TAF3: variants seen among roughly 807,000 people sequenced by gnomAD.
TAF3 encodes transcription initiation factor TFIID subunit 3.
In TAF3, 7 loss-of-function variants were observed where a neutral mutation model predicts 80.6. That is an observed-to-expected ratio of 0.09 (90% CI 0.05 to 0.16). TAF3 has a LOEUF of 0.16. Ranked by LOEUF, TAF3 falls within the 10% of genes least tolerant of loss-of-function variation. TAF3 has a pLI of 1.00. For missense variants in TAF3, 921 were observed against 1,140.2 expected, an observed-to-expected ratio of 0.81 and a Z score of 2.77; for synonymous variants, 444 against 446.1, an observed-to-expected ratio of 1.00 and a Z score of 0.06.
intron 2 of TAF3, among the ~76,000 whole-genome samples, chr10:7,946,973 G>A (rs1427020449): frequency 6.6e-6 from 1 of 152,092 alleles, no homozygotes; most frequent in African/African-American, 2.4e-5. Flanking sequence ...CACTGCCCAG[G>A]CTGGTCTGGA....
At chr10:7,862,886 T>C (rs1758643) in intron 2 of TAF3, among the ~76,000 whole-genome samples, 27,331 of 152,244 alleles carry the variant, frequency 0.18, 2,543 homozygotes, top group South Asian at 0.26. Context: ...CTTTTTATTG[T>C]TGAGTATTGT....
At chr10:7,915,302 G>A (rs1348301654) in intron 2 of TAF3, among the ~76,000 whole-genome samples, 2 of 151,814 alleles carry the variant, frequency 1.3e-5, no homozygotes, top group African/African-American at 2.4e-5. Flanking sequence ...CTGTGCTGCC[G>A]GAGGGGCGAA....
At chr10:7,971,430 C>T (rs920106036) in intron 3 of TAF3, among the ~76,000 whole-genome samples, 10 of 149,678 alleles carry the variant, frequency 6.7e-5, no homozygotes, top group African/African-American at 1.5e-4. Flanking sequence ...TGCTGCTACC[C>T]TAGCTAGTAT....
chr10:7,953,857 G>A (rs1301480439), intron 2 of TAF3, among the ~76,000 whole-genome samples: 1 of 148,696 alleles, frequency 6.7e-6, no homozygotes, highest in Non-Finnish European at 1.5e-5. Context: ...GCAAATGAGT[G>A]GATTAGTCCT....
At chr10:7,840,387 T>C (rs1018816334) in intron 2 of TAF3, among the ~76,000 whole-genome samples, 4 of 151,854 alleles carry the variant, frequency 2.6e-5, no homozygotes, top group East Asian at 1.9e-4. Flanking sequence ...CTCCTGACCT[T>C]GTGATCCGCC....
At position 7,954,798 on chromosome 10, in the gene TAF3, C is replaced by T. The variant is rs1471667104; in HGVS notation, c.410-9122C>T. Among the ~76,000 whole-genome samples, 6 of 119,338 alleles carry T rather than the reference C, an allele frequency of 5.0e-5. 1 individual carries two copies. Among genetic ancestry groups the T allele is most frequent in the East Asian group, 5.8e-4 (2 of 3,452 alleles). The allele number at this position is 119,338 out of a possible 152,430, so 78.3% of individuals were successfully genotyped here. ...TGAGATTCAGAGTGCCCTCCATAGGCGAATGAGTGAATTAGTTCTAGTTAA... is the reference window on the plus strand; with the variant it reads ...TGAGATTCAGAGTGCCCTCCATAGGTGAATGAGTGAATTAGTTCTAGTTAA... On this transcript the variant is annotated intron_variant, in intron 2 of 6. Transcript: ENST00000344293.
At chr10:7,975,663 A>T (rs2131419073) in intron 3 of TAF3, among the ~76,000 whole-genome samples, 1 of 152,340 alleles carries the variant, frequency 6.6e-6, no homozygotes, top group South Asian at 2.1e-4. Flanking sequence ...GGCATCATGC[A>T]AGGGAGCTGT....
chr10:7,921,230 G>A (rs536090698), intron 2 of TAF3, among the ~76,000 whole-genome samples: 3 of 152,142 alleles, frequency 2.0e-5, no homozygotes, highest in African/African-American at 7.2e-5. Context: ...TGAAGTAGAA[G>A]GAAAGAGCAG....
chr10:7,845,335 G>T (rs899614089), intron 2 of TAF3, among the ~76,000 whole-genome samples: 1 of 152,056 alleles, frequency 6.6e-6, no homozygotes, highest in Non-Finnish European at 1.5e-5. Context: ...TGTGCACACG[G>T]TTCCTGCTTT....
intron 2 of TAF3, among the ~76,000 whole-genome samples, chr10:7,909,572 G>A (rs1041475454): frequency 1.3e-5 from 2 of 152,204 alleles, no homozygotes; most frequent in Non-Finnish European, 2.9e-5. Context: ...AAGATGGAAG[G>A]AAGAGCCAAA....
intron 2 of TAF3, among the ~76,000 whole-genome samples, chr10:7,953,310 G>A (rs746777928): frequency 2.6e-5 from 4 of 152,178 alleles, no homozygotes; most frequent in Admixed American, 2.0e-4. Context: ...TAAATCAAGT[G>A]GTAGAGTTTC....
At chr10:7,989,755 T>C (rs1831815833) in intron 4 of TAF3, among the ~76,000 whole-genome samples, 1 of 152,188 alleles carries the variant, frequency 6.6e-6, no homozygotes. Context: ...ATCTCGGCGT[T>C]TGGTATAAAA....
At chr10:7,859,309 A>T (rs998302657) in intron 2 of TAF3, among the ~76,000 whole-genome samples, 24 of 138,922 alleles carry the variant, frequency 1.7e-4, no homozygotes, top group African/African-American at 5.2e-4. Flanking sequence ...TAAATAAATA[A>T]ATAAATAAAA....
chr10:7,956,663 G>T lies in TAF3; in HGVS notation c.410-7257G>T, dbSNP rs542844765. ...GTCTAAAAGTGAATCTCTAGCTGTGGTGATGAATTTGTGCTGAGTCATTCA... is the reference window on the plus strand; with the variant it reads ...GTCTAAAAGTGAATCTCTAGCTGTGTTGATGAATTTGTGCTGAGTCATTCA... On this transcript the variant is annotated intron_variant, in intron 2 of 6. Coordinates refer to ENST00000344293, the MANE Select transcript of TAF3 (RefSeq NM_031923.4). Among the ~76,000 whole-genome samples the T allele has an allele frequency of 2.0e-5, 3 of 152,270 alleles. No individual in the cohort carries two copies. The South Asian group carries it at 6.2e-4, about 32-fold the overall frequency.
intron 2 of TAF3, among the ~76,000 whole-genome samples, chr10:7,958,544 A>C (rs1050870290): frequency 1.3e-5 from 2 of 152,170 alleles, no homozygotes; most frequent in Admixed American, 1.3e-4. Context: ...AAAAACAAGC[A>C]AACTACCTAC....
At position 7,950,156 on chromosome 10, in the gene TAF3, A is replaced by G. The variant is rs1405359022; in HGVS notation, c.410-13764A>G. ...TGTTGGGGAAACAGACAAGAAATGC[A>G]TGAACAGTCAAACAGTTATAAATTG... On this transcript the variant is annotated intron_variant, in intron 2 of 6. Transcript: ENST00000344293. 3.3e-5 allele frequency among the ~76,000 whole-genome samples: 5 copies of G among 152,368 alleles called. No homozygotes were observed. The South Asian group carries it at 6.2e-4, about 19-fold the overall frequency.
chr10:7,830,733 C>T (rs548135963), intron 2 of TAF3, among the ~76,000 whole-genome samples: 4 of 152,128 alleles, frequency 2.6e-5, no homozygotes, highest in Non-Finnish European at 5.9e-5. Context: ...ATCCGCCAGC[C>T]TCGGCCTCCC....
chr10:7,866,052 G>A (rs1423723391), intron 2 of TAF3, among the ~76,000 whole-genome samples: 1 of 152,304 alleles, frequency 6.6e-6, no homozygotes, highest in Non-Finnish European at 1.5e-5. Flanking sequence ...ATATTTGAGA[G>A]TCATCTTAGT....
At chr10:7,929,335 A>G (rs1035543666) in intron 2 of TAF3, among the ~76,000 whole-genome samples, 22 of 152,186 alleles carry the variant, frequency 1.4e-4, no homozygotes, top group Middle Eastern at 3.4e-3. Flanking sequence ...CAGTTAAGGA[A>G]TGATTGTGTG....
Sources: gnomAD v4.1 joint callset for allele counts (sites outside exome capture counted in the v4.1 genomes callset) on GRCh38, gnomAD v4.1.1 for gene constraint, MANE v1.5 for transcripts, NCBI Gene and HGNC (gene_info 2026-07-23, HGNC 2026-07-21) for gene names.